Variants in DLC1 observed in about 807,000 individuals in gnomAD.
The protein encoded by DLC1 is rho GTPase-activating protein 7.
DLC1 carries 54 observed loss-of-function variants against 140.3 expected under a neutral mutation model. That is an observed-to-expected ratio of 0.38 (90% CI 0.31 to 0.48). The LOEUF is 0.48. Ranked by LOEUF, DLC1 falls within the 20% of genes least tolerant of loss-of-function variation. The pLI, the probability that DLC1 is intolerant of heterozygous loss-of-function variation, is 0.96. For missense variants in DLC1, 2,536 were observed against 1,907.0 expected, an observed-to-expected ratio of 1.33 and a Z score of -6.14; for synonymous variants, 986 against 728.1, an observed-to-expected ratio of 1.35 and a Z score of -5.70.
At chr8:13,398,805 G>C (rs994776803) in intron 3 of DLC1, among the ~76,000 whole-genome samples, 3 of 152,128 alleles carry the variant, frequency 2.0e-5, no homozygotes, top group Non-Finnish European at 2.9e-5. Flanking sequence ...ATCAGTATTA[G>C]ATGACAGGAG....
intron 5 of DLC1, among the ~76,000 whole-genome samples, chr8:13,252,438 G>A (rs1366615968): frequency 6.6e-6 from 1 of 152,172 alleles, no homozygotes; most frequent in Admixed American, 6.5e-5. Flanking sequence ...AGCTTAACAT[G>A]AACCATCAGT....
intron 4 of DLC1, among the ~76,000 whole-genome samples, chr8:13,366,333 C>T (rs949707729): frequency 1.3e-5 from 2 of 152,190 alleles, no homozygotes; most frequent in Non-Finnish European, 2.9e-5. Context: ...ATGCCTGGCG[C>T]TGTCCTAAGT....
chr8:13,482,887 C>A (rs1258406096), intron 2 of DLC1, among the ~76,000 whole-genome samples: 1 of 152,170 alleles, frequency 6.6e-6, no homozygotes, highest in Non-Finnish European at 1.5e-5. Context: ...GTGTGACGGT[C>A]CCTGTCTTCA....
chr8:13,491,120 A>G (rs578188467), intron 2 of DLC1, among the ~76,000 whole-genome samples: 16 of 148,858 alleles, frequency 1.1e-4, no homozygotes, highest in Non-Finnish European at 1.2e-4. Context: ...ATATATTCAG[A>G]TTTAATATTT....
chr8:13,134,960 G>C (rs1360315269), intron 5 of DLC1, among the ~76,000 whole-genome samples: 4 of 152,156 alleles, frequency 2.6e-5, no homozygotes. Flanking sequence ...CTGGTGGGAG[G>C]AAGCAACAGG....
At chr8:13,574,674 C>T (rs1416009818) in intron 1 of DLC1, among the ~76,000 whole-genome samples, 2 of 152,028 alleles carry the variant, frequency 1.3e-5, no homozygotes, top group African/African-American at 4.8e-5. Context: ...ATCAAATAGA[C>T]TAAAATTCTG....
intron 12 of DLC1, among the ~76,000 whole-genome samples, 176 bp from the exon 13 acceptor site, chr8:13,093,001 A>G (rs887202064): frequency 6.6e-6 from 1 of 152,174 alleles, no homozygotes; most frequent in African/African-American, 2.4e-5. Flanking sequence ...CGGCGTCACT[A>G]TCCTCAAGTA....
chr8:13,293,044 G>A (rs1238406092), intron 5 of DLC1, among the ~76,000 whole-genome samples: 1 of 152,158 alleles, frequency 6.6e-6, no homozygotes, highest in East Asian at 1.9e-4. Context: ...GCAACATGGT[G>A]AGATCCTGCC....
At chr8:13,481,548 CGTT>C (rs2117119563) in intron 2 of DLC1, among the ~76,000 whole-genome samples, 1 of 152,128 alleles carries the variant, frequency 6.6e-6, no homozygotes, top group East Asian at 1.9e-4. Flanking sequence ...AATAAACGTC[CGTT>C]GTTATGAAGG....
intron 1 of DLC1, among the ~76,000 whole-genome samples, chr8:13,589,821 A>T (rs894551642): frequency 2.0e-5 from 3 of 151,768 alleles, no homozygotes; most frequent in Non-Finnish European, 4.4e-5. Context: ...GAGATATTTT[A>T]ATAATCAAGA....
At chr8:13,371,871 A>C (rs1479921204) in intron 4 of DLC1, among the ~76,000 whole-genome samples, 1 of 152,166 alleles carries the variant, frequency 6.6e-6, no homozygotes, top group Non-Finnish European at 1.5e-5. Context: ...ATAATTATTG[A>C]ATGAGTAAAT....
At chr8:13,522,379 C>T (rs576046134) in intron 1 of DLC1, among the ~76,000 whole-genome samples, 2 of 152,210 alleles carry the variant, frequency 1.3e-5, no homozygotes, top group South Asian at 2.1e-4. Context: ...AATCCCAGCA[C>T]TTTGGGAGGC....
At chr8:13,479,926 T>C (rs1342477509) in intron 2 of DLC1, among the ~76,000 whole-genome samples, 1 of 77,318 alleles carries the variant, frequency 1.3e-5, no homozygotes, top group Non-Finnish European at 3.6e-5. Context: ...TATCAGCCTG[T>C]GTGGTGGCGT....
At chr8:13,259,121 A>T in intron 5 of DLC1, among the ~76,000 whole-genome samples, 1 of 139,776 alleles carries the variant, frequency 7.2e-6, no homozygotes. Context: ...TGGGCAACGC[A>T]GTGAAACTCC....
chr8:13,159,245 G>T (rs921631655), intron 5 of DLC1, among the ~76,000 whole-genome samples: 1 of 152,116 alleles, frequency 6.6e-6, no homozygotes, highest in Non-Finnish European at 1.5e-5. Flanking sequence ...TAAAGCTTTG[G>T]GTTCCCAGTT....
chr8:13,472,506 C>T (rs1223970306), intron 2 of DLC1, among the ~76,000 whole-genome samples: 5 of 152,268 alleles, frequency 3.3e-5, no homozygotes, highest in East Asian at 3.9e-4. Flanking sequence ...ATTAATCTTT[C>T]GGAATCCTTG....
chr8:13,233,969 C>A (rs1829168984), intron 5 of DLC1, among the ~76,000 whole-genome samples: 1 of 152,146 alleles, frequency 6.6e-6, no homozygotes, highest in Non-Finnish European at 1.5e-5. Context: ...TCACGAGCTA[C>A]AAGAAGCAAG....
intron 4 of DLC1, among the ~76,000 whole-genome samples, chr8:13,347,987 G>T (rs1193896699): frequency 6.6e-6 from 1 of 152,122 alleles, no homozygotes; most frequent in Non-Finnish European, 1.5e-5. Context: ...TACTTGGGAG[G>T]TGGAGGCAGG....
chr8:13,561,954 G>GATTATCT (rs1804258782), intron 1 of DLC1, among the ~76,000 whole-genome samples: 1 of 152,048 alleles, frequency 6.6e-6, no homozygotes, highest in South Asian at 2.1e-4. Context: ...TAGATAATAT[G>GATTATCT]ATTATATATT....
Sources: gnomAD v4.1 joint callset for allele counts (sites outside exome capture counted in the v4.1 genomes callset) on GRCh38, gnomAD v4.1.1 for gene constraint, MANE v1.5 for transcripts, NCBI Gene and HGNC (gene_info 2026-07-23, HGNC 2026-07-21) for gene names.